Variants in ALDH7A1 observed in about 807,000 individuals in gnomAD.
ALDH7A1 encodes the protein alpha-aminoadipic semialdehyde dehydrogenase.
ALDH7A1 carries 63 observed loss-of-function variants against 79.9 expected under a neutral mutation model. That is an observed-to-expected ratio of 0.79 (90% CI 0.64 to 0.97). ALDH7A1 has a LOEUF of 0.97. Ranked by LOEUF, ALDH7A1 falls within the 50% of genes least tolerant of loss-of-function variation. The pLI is 0.00. For synonymous variants in ALDH7A1, 240 were observed against 231.2 expected, an observed-to-expected ratio of 1.04 and a Z score of -0.34; for missense variants, 627 against 665.2, an observed-to-expected ratio of 0.94 and a Z score of 0.63.
intron 7 of ALDH7A1, among the ~76,000 whole-genome samples, chr5:126,574,370 A>G (rs1464312647): frequency 6.6e-6 from 1 of 151,866 alleles, no homozygotes; most frequent in Non-Finnish European, 1.5e-5. Flanking sequence ...ACTGCACTCC[A>G]GCCTGGCGAC....
At chr5:126,579,034 A>T (rs62391531) in intron 5 of ALDH7A1, among the ~76,000 whole-genome samples, 16,901 of 147,034 alleles carry the variant, frequency 0.11, 1,017 homozygotes, top group African/African-American at 0.18. Context: ...CCTCCTCTCC[A>T]GCCCTCCCAT....
Position 126,567,165 on chromosome 5 carries a change from A to G in ALDH7A1, c.871+1094T>C, listed in dbSNP as rs554088884. ...GTTCTCCTCTACTTTTGCCTCTTTT[A>G]AAAAGTTCTAAGTTGCTAGCCAATT... is the stretch of plus-strand genomic sequence containing the variant. On this transcript the variant is annotated intron_variant, in intron 9 of 17. Coordinates refer to ENST00000409134, the MANE Select transcript of ALDH7A1 (RefSeq NM_001182.5). 2.0e-5 allele frequency among the ~76,000 whole-genome samples: 3 copies of G among 152,272 alleles called. No homozygotes were observed. The South Asian group carries it at 6.2e-4, about 32-fold the overall frequency.
chr5:126,547,250 A>G (rs1749816097), intron 16 of ALDH7A1, among the ~76,000 whole-genome samples: 2 of 152,212 alleles, frequency 1.3e-5, no homozygotes, highest in South Asian at 4.1e-4. Context: ...ATAACACCTC[A>G]TGGGTCTTCC....
intron 5 of ALDH7A1, among the ~76,000 whole-genome samples, chr5:126,579,883 C>G (rs1411478042): frequency 6.6e-6 from 1 of 152,098 alleles, no homozygotes; most frequent in African/African-American, 2.4e-5. Flanking sequence ...TTGCTTGAGT[C>G]CAGGAGGTCC....
chr5:126,576,190 G>A (rs1163579661), intron 6 of ALDH7A1, among the ~76,000 whole-genome samples: 1 of 150,666 alleles, frequency 6.6e-6, no homozygotes, highest in Non-Finnish European at 1.5e-5. Flanking sequence ...GTGAACCTGG[G>A]AGGCGGAGCT....
At chr5:126,563,703 C>G (rs567205766) in intron 9 of ALDH7A1, among the ~76,000 whole-genome samples, 2 of 152,258 alleles carry the variant, frequency 1.3e-5, no homozygotes, top group East Asian at 3.9e-4. Context: ...ATTGGCCAGG[C>G]TGGTCTTGAA....
In ALDH7A1 at chr5:126,566,911, TAAA is replaced by T. The variant is rs1254177118; in HGVS notation, c.871+1345_871+1347del. ...TAGGACTAGTACAATTTGATAAGTG[TAAA>T]AAGTAAAGTAGAGCTTCCTCTTCAA... On this transcript the variant is annotated intron_variant, in intron 9 of 17. Transcript: ENST00000409134. Among the ~76,000 whole-genome samples, 3 of 152,324 alleles carry T rather than the reference TAAA, an allele frequency of 2.0e-5. No individual in the cohort carries two copies. The South Asian group carries it at 6.2e-4, about 32-fold the overall frequency.
At chr5:126,587,136 C>G (rs1460377821) in intron 3 of ALDH7A1, 1 of 151,668 alleles carries the variant, frequency 6.6e-6, no homozygotes, top group African/African-American at 2.4e-5. Context: ...AACAGAGAGA[C>G]TCCTACTCTT....
Position 126,595,065 on chromosome 5 carries a change from A to G in ALDH7A1, c.134T>C (p.Leu45Pro). The change falls in exon 1 of 18, where the codon CTG becomes CCG. Residue 45 changes from leucine to proline, a missense_variant. Transcript: ENST00000409134. ...GCCCTCGTTTTCCTCGCGGAGCCCC[A>G]GCTCTTTCAGCCACGCATACTGGGG... ...NQPQYAWLKE[L>P]GLREENEGVY... The G allele has an allele frequency of 1.2e-6, 2 of 1,608,870 alleles. No homozygotes were observed. The highest frequency in any genetic ancestry group is 1.7e-6 in the Non-Finnish European group (2 of 1,177,844).
chr5:126,548,343 T>C (rs1018560489), intron 16 of ALDH7A1, among the ~76,000 whole-genome samples: 1 of 151,542 alleles, frequency 6.6e-6, no homozygotes, highest in Admixed American at 6.6e-5. Flanking sequence ...AGAGACAGGG[T>C]CCTACCATGT....
chr5:126,545,153 C>T (rs1378980666), intron 17 of ALDH7A1, 134 bp from the exon 18 acceptor site: 6 of 692,588 alleles, frequency 8.7e-6, no homozygotes, highest in Non-Finnish European at 1.3e-5. Context: ...TAAGACAAAC[C>T]TTTAAGATAA....
intron 6 of ALDH7A1, 124 bp from the exon 7 acceptor site, chr5:126,575,588 A>T: frequency 1.3e-6 from 1 of 771,290 alleles, no homozygotes; most frequent in South Asian, 1.6e-5. Flanking sequence ...ACAACTAACA[A>T]GTGAGTCTAG....
chr5:126,582,956 T>C lies in ALDH7A1; in HGVS notation c.412A>G (p.Lys138Glu), dbSNP rs1751226306. The change falls in exon 5 of 18, where the codon AAA (lysine) becomes GAA (glutamate). Residue 138 changes from lysine (K) to glutamate (E), a missense_variant. Lys to Glu is a moderately conservative substitution (Grantham distance 56, BLOSUM62 1). Coordinates refer to ENST00000409134, the MANE Select transcript of ALDH7A1 (RefSeq NM_001182.5). ...TCACCCACACCTTCCACTAAGATTT[T>C]CCCCATCTCCAAAGACACCTAGAAA... ...LGSLVSLEMG[K>E]ILVEGVGEVQ... 1 of 1,613,944 alleles carries C rather than the reference T, an allele frequency of 6.2e-7. No individual in the cohort carries two copies.
intron 3 of ALDH7A1, chr5:126,592,414 A>C: frequency 1.8e-6 from 1 of 545,324 alleles, no homozygotes. Context: ...TTTATACTAT[A>C]CCAGCACAAA....
At chr5:126,559,425 TTGGTTTTGG>T in intron 10 of ALDH7A1, 91 bp from the exon 11 acceptor site, 1 of 865,006 alleles carries the variant, frequency 1.2e-6, no homozygotes, top group Non-Finnish European at 1.7e-6. Flanking sequence ...TTTTTTGTTT[TTGGTTTTGG>T]TTTTTTTTTT....
chr5:126,546,676 C>T (rs983344545), intron 16 of ALDH7A1, among the ~76,000 whole-genome samples: 4 of 150,810 alleles, frequency 2.7e-5, no homozygotes, highest in African/African-American at 9.8e-5. Flanking sequence ...ATCCCATTAG[C>T]TGGGCGTGGT....
At chr5:126,570,579 A>T in intron 8 of ALDH7A1, 1 of 594,668 alleles carries the variant, frequency 1.7e-6, no homozygotes, top group Non-Finnish European at 3.0e-6. Context: ...CCTCTGGGCA[A>T]TTAAAAAGAC....
In ALDH7A1 at chr5:126,557,721, C is replaced by T. The variant is rs75367321; in HGVS notation, c.1008+1519G>A. ...TGTTCACACTCAATATGAATGAGAG[C>T]AAAAACCCAAAGCCAATTCCTTAAT... On this transcript the variant is annotated intron_variant, in intron 11 of 17. Transcript: ENST00000409134. Among the ~76,000 whole-genome samples, 1,037 of 152,146 alleles carry T rather than the reference C, an allele frequency of 6.8e-3. 10 individuals carry two copies. Among genetic ancestry groups the T allele is most frequent in the African/African-American group, 0.023 (975 of 41,504 alleles).
chr5:126,568,047 T>A, intron 9 of ALDH7A1: 1 of 483,462 alleles, frequency 2.1e-6, no homozygotes, highest in East Asian at 4.2e-5. Context: ...CCTCCCAAAG[T>A]GCTGGGATTT....
Sources: allele counts gnomAD v4.1 joint callset (sites outside exome capture counted in the v4.1 genomes callset), GRCh38; gene constraint gnomAD v4.1.1; transcripts MANE v1.5; gene names NCBI Gene and HGNC (gene_info 2026-07-23, HGNC 2026-07-21).